The following NLGN1 variants were observed in gnomAD, a reference collection of about 807,000 sequenced individuals.
The protein encoded by NLGN1 is neuroligin 1.
Under a neutral mutation model 65.5 loss-of-function variants are expected in NLGN1, and 12 were observed. That is an observed-to-expected ratio of 0.18 (90% CI 0.12 to 0.30). The LOEUF is 0.30. NLGN1 is among the 10% of genes least tolerant of loss of function. The probability of loss-of-function intolerance (pLI) is 1.00; values close to 1 mark genes in which losing one functional copy is unlikely to be tolerated. For synonymous variants in NLGN1, 350 were observed against 359.5 expected (o/e 0.97, Z 0.30); for missense variants, 750 against 1,007.1 (o/e 0.74, Z 3.46).
intron 4 of NLGN1, among the ~76,000 whole-genome samples, chr3:174,100,862 C>T (rs1442359679): frequency 3.9e-5 from 6 of 151,918 alleles, no homozygotes; most frequent in Admixed American, 2.0e-4. Flanking sequence ...ATTTTCTCAA[C>T]ATTTCATTTA....
At chr3:173,864,491 A>G (rs1329300568) in intron 4 of NLGN1, among the ~76,000 whole-genome samples, 2 of 152,220 alleles carry the variant, frequency 1.3e-5, no homozygotes, top group African/African-American at 2.4e-5. Context: ...GGGATCATTT[A>G]GCTTTTGAAT....
At chr3:173,795,130 A>G (rs542584214) in intron 3 of NLGN1, among the ~76,000 whole-genome samples, 4 of 152,096 alleles carry the variant, frequency 2.6e-5, no homozygotes, top group Non-Finnish European at 5.9e-5. Flanking sequence ...ACATGTGTAC[A>G]TAGGAGCCAT....
intron 3 of NLGN1, among the ~76,000 whole-genome samples, chr3:173,803,204 G>T (rs1042700534): frequency 6.6e-6 from 1 of 151,926 alleles, no homozygotes; most frequent in East Asian, 1.9e-4. Flanking sequence ...TGACAAAAAT[G>T]GTTCAAAGTA....
intron 4 of NLGN1, among the ~76,000 whole-genome samples, chr3:173,965,879 T>G (rs1218888406): frequency 6.6e-6 from 1 of 152,154 alleles, no homozygotes; most frequent in Non-Finnish European, 1.5e-5. Flanking sequence ...ATACTAACAT[T>G]GTAAAACATA....
chr3:174,177,018 A>G (rs1729578769), intron 4 of NLGN1, among the ~76,000 whole-genome samples: 1 of 151,988 alleles, frequency 6.6e-6, no homozygotes, highest in Admixed American at 6.6e-5. Context: ...TAATCTGACA[A>G]ATTGAACATT....
intron 4 of NLGN1, among the ~76,000 whole-genome samples, chr3:174,068,694 A>C (rs1221982433): frequency 6.6e-6 from 1 of 152,158 alleles, no homozygotes; most frequent in Non-Finnish European, 1.5e-5. Flanking sequence ...ATGACCTCAA[A>C]AAGAAGTTAT....
chr3:173,916,949 A>G (rs1432836185), intron 4 of NLGN1, among the ~76,000 whole-genome samples: 1 of 152,186 alleles, frequency 6.6e-6, no homozygotes, highest in Non-Finnish European at 1.5e-5. Context: ...TTTTGTGTAA[A>G]TGTGGGTGTT....
chr3:174,035,362 A>T (rs979187739), intron 4 of NLGN1, among the ~76,000 whole-genome samples: 19 of 152,194 alleles, frequency 1.2e-4, no homozygotes, highest in African/African-American at 4.6e-4. Flanking sequence ...AAGCCTATTC[A>T]AAACTGCTGA....
At chr3:174,090,760 A>C (rs565172430) in intron 4 of NLGN1, among the ~76,000 whole-genome samples, 151 of 150,446 alleles carry the variant, frequency 1.0e-3, no homozygotes, top group African/African-American at 3.5e-3. Flanking sequence ...TCAGAATGTT[A>C]TGGCAATCTT....
intron 3 of NLGN1, among the ~76,000 whole-genome samples, chr3:173,704,783 G>C (rs1180787039): frequency 6.6e-6 from 1 of 152,070 alleles, no homozygotes; most frequent in Non-Finnish European, 1.5e-5. Flanking sequence ...GTCAAATTGT[G>C]GTTAGGGGTT....
At chr3:173,923,055 A>AT (rs956140206) in intron 4 of NLGN1, among the ~76,000 whole-genome samples, 2 of 151,756 alleles carry the variant, frequency 1.3e-5, no homozygotes, top group African/African-American at 2.4e-5. Context: ...TTTCATCAAC[A>AT]TTTTTTCAGC....
chr3:174,281,130 A>G (rs779730611), exon 7 of NLGN1: 2 of 1,613,340 alleles, frequency 1.2e-6, no homozygotes, highest in Non-Finnish European at 1.7e-6. Context: ...ACTAGCTATG[A>G]GGAGGTCACC....
intron 3 of NLGN1, among the ~76,000 whole-genome samples, chr3:173,661,925 C>T (rs1018760677): frequency 1.3e-5 from 2 of 151,934 alleles, no homozygotes; most frequent in African/African-American, 2.4e-5. Context: ...GGAACCTTGG[C>T]GAATCAGACC....
At chr3:174,240,119 T>TA (rs750838126) in intron 4 of NLGN1, among the ~76,000 whole-genome samples, 2 of 152,084 alleles carry the variant, frequency 1.3e-5, no homozygotes, top group Non-Finnish European at 2.9e-5. Context: ...TAAGGAAGGA[T>TA]ACCAAGAGAA....
At chr3:173,430,038 T>C (rs528580963) in intron 1 of NLGN1, among the ~76,000 whole-genome samples, 1 of 152,296 alleles carries the variant, frequency 6.6e-6, no homozygotes, top group South Asian at 2.1e-4. Context: ...ATGCTTCCTG[T>C]GGATTCAAGC....
chr3:173,758,776 C>A (rs1777517773), intron 3 of NLGN1, among the ~76,000 whole-genome samples: 1 of 151,892 alleles, frequency 6.6e-6, no homozygotes, highest in Non-Finnish European at 1.5e-5. Context: ...AGTTACTATA[C>A]CCAATTACAT....
intron 4 of NLGN1, among the ~76,000 whole-genome samples, chr3:174,210,082 A>G (rs1457369347): frequency 1.3e-5 from 2 of 152,064 alleles, no homozygotes; most frequent in African/African-American, 4.8e-5. Context: ...TCTTACCCCA[A>G]ATCATCACAT....
intron 4 of NLGN1, among the ~76,000 whole-genome samples, chr3:173,862,150 T>C (rs1388039386): frequency 6.6e-6 from 1 of 152,102 alleles, no homozygotes; most frequent in African/African-American, 2.4e-5. Context: ...AATGAATCTA[T>C]ATACAGACAG....
At position 174,163,817 on chromosome 3, in the gene NLGN1, G is replaced by A. The variant is rs143490522; in HGVS notation, c.647-111498G>A. On this transcript the variant is annotated intron_variant, in intron 4 of 6. Transcript: ENST00000457714. Reference sequence around the variant, plus strand: ...CATGGCATATATGTACCATGTTTTCGTTATCCAGTCCACCATTGATGGGCA... The same window carrying A: ...CATGGCATATATGTACCATGTTTTCATTATCCAGTCCACCATTGATGGGCA... 7.1e-3 allele frequency among the ~76,000 whole-genome samples: 1,080 copies of A among 151,952 alleles called. 10 individuals are homozygous for A. Among genetic ancestry groups the A allele is most frequent in the African/African-American group, 0.025 (1,028 of 41,450 alleles).
Sources: gnomAD v4.1 joint callset for allele counts (sites outside exome capture counted in the v4.1 genomes callset) on GRCh38, gnomAD v4.1.1 for gene constraint, MANE v1.5 for transcripts, NCBI Gene and HGNC (gene_info 2026-07-23, HGNC 2026-07-21) for gene names.